VPS33A: variants seen among roughly 807,000 people sequenced by gnomAD.
The protein encoded by VPS33A is vacuolar protein sorting-associated protein 33A.
In VPS33A, 32 loss-of-function variants were observed where a neutral mutation model predicts 71.8. That is an observed-to-expected ratio of 0.45 (90% CI 0.34 to 0.60). The LOEUF is 0.60. Among genes scored for constraint, VPS33A ranks in the 20% least tolerant of loss-of-function variants. VPS33A has a pLI of 0.02. For synonymous variants in VPS33A, 311 were observed against 292.7 expected (o/e 1.06, Z -0.64); for missense variants, 625 against 748.5 (o/e 0.84, Z 1.92).
At chr12:122,264,727 T>A (rs941706525) in intron 1 of VPS33A, 5 of 152,204 alleles carry the variant, frequency 3.3e-5, no homozygotes, top group Non-Finnish European at 7.3e-5. Flanking sequence ...ACCACATTCA[T>A]ATCCTTAGTC....
At chr12:122,238,562 A>T in intron 10 of VPS33A, 25 bp downstream of exon 10, 1 of 1,593,696 alleles carries the variant, frequency 6.3e-7, no homozygotes, top group Non-Finnish European at 8.5e-7. Context: ...CCCTTGGCAA[A>T]TTAATAATTT....
intron 11 of VPS33A, among the ~76,000 whole-genome samples, chr12:122,233,228 CTTT>C (rs11365018): frequency 7.0e-6 from 1 of 143,610 alleles, no homozygotes. Context: ...TGGCATGAAA[CTTT>C]TTTTTTTTTT....
At chr12:122,250,683 G>C (rs935531789) in intron 5 of VPS33A, among the ~76,000 whole-genome samples, 1 of 152,172 alleles carries the variant, frequency 6.6e-6, no homozygotes, top group African/African-American at 2.4e-5. Flanking sequence ...CAGTGAGACT[G>C]TGAAAAGTAC....
chr12:122,254,264 G>A (rs908206776), intron 4 of VPS33A, among the ~76,000 whole-genome samples: 11 of 152,048 alleles, frequency 7.2e-5, no homozygotes, highest in African/African-American at 2.2e-4. Flanking sequence ...ACAGAAATAC[G>A]ATTAACGTCA....
intron 12 of VPS33A, 27 bp downstream of exon 12, chr12:122,232,773 A>C (rs771582302): frequency 3.8e-6 from 6 of 1,597,612 alleles, no homozygotes; most frequent in African/African-American, 1.3e-5. Context: ...GTACATAATT[A>C]TCTGTAGATG....
chr12:122,261,610 T>TCA (rs1954996262), intron 3 of VPS33A, among the ~76,000 whole-genome samples, 163 bp from the exon 4 acceptor site: 2 of 152,170 alleles, frequency 1.3e-5, no homozygotes, highest in Non-Finnish European at 2.9e-5. Context: ...GGCTCACACC[T>TCA]GTAATCTCAG....
chr12:122,263,041 G>A (rs960571549), intron 3 of VPS33A, among the ~76,000 whole-genome samples: 10 of 146,384 alleles, frequency 6.8e-5, no homozygotes, highest in African/African-American at 1.0e-4. Flanking sequence ...TGCCCAGGCT[G>A]GAGTGCAGTG....
intron 4 of VPS33A, 96 bp downstream of exon 4, chr12:122,261,165 T>TG: frequency 2.0e-6 from 2 of 1,010,932 alleles, no homozygotes. Context: ...ACATATAAAA[T>TG]GGGACTCAGC....
At chr12:122,241,532 T>C (rs1166003517) in intron 8 of VPS33A, among the ~76,000 whole-genome samples, 1 of 152,030 alleles carries the variant, frequency 6.6e-6, no homozygotes, top group African/African-American at 2.4e-5. Context: ...CTCGAATGCC[T>C]GACCTCAGGC....
chr12:122,265,729 A>C (rs1186896355), intron 1 of VPS33A: 1 of 454,334 alleles, frequency 2.2e-6, no homozygotes, highest in Admixed American at 2.3e-5. Flanking sequence ...ATAAACCCTA[A>C]GGGGATGAAG....
chr12:122,245,832 T>C (rs1275172115), intron 6 of VPS33A, among the ~76,000 whole-genome samples: 2 of 152,216 alleles, frequency 1.3e-5, no homozygotes, highest in Non-Finnish European at 2.9e-5. Context: ...CACATGACAA[T>C]GACAGAGACA....
Position 122,229,711 on chromosome 12 carries a change from T to C in VPS33A, c.*2535A>G, listed in dbSNP as rs933710450. The stretch of plus-strand genomic sequence containing the variant: ...TCCTTTCTCAGTAAGGGCATACTCT[T>C]TTGAGACAAAGACTGCTTCAAGTAT... On this transcript the variant is annotated 3_prime_UTR_variant, in exon 13 of 13. Coordinates refer to ENST00000267199, the MANE Select transcript of VPS33A (RefSeq NM_022916.6). The C allele has an allele frequency of 2.0e-5, 3 of 152,216 alleles. No homozygotes were observed. Among genetic ancestry groups the C allele is most frequent in the Admixed American group, 1.3e-4 (2 of 15,276 alleles). The allele number at this position is 152,216 out of a possible 1,614,324, so 9.4% of individuals were successfully genotyped here.
chr12:122,252,739 G>A (rs1348882917), intron 4 of VPS33A: 1 of 152,204 alleles, frequency 6.6e-6, no homozygotes, highest in African/African-American at 2.4e-5. Context: ...GGGCCAGTTA[G>A]AGAATCTCTT....
rs1954560057 is a variant in VPS33A at position 122,231,524 on chromosome 12, T to C, written c.*722A>G. The C allele has an allele frequency of 6.6e-6, 1 of 152,242 alleles. No homozygotes were observed. Among genetic ancestry groups the C allele is most frequent in the Non-Finnish European group, 1.5e-5 (1 of 68,040 alleles). 9.4% of individuals were successfully genotyped at this position (152,242 alleles called of 1,614,324 possible). A position where few individuals can be genotyped will look rare whatever the true frequency, so the allele number is the denominator to read the frequency against. The stretch of plus-strand genomic sequence containing the variant: ...ACCACTGTCCTAGGCCTGATGCGCC[T>C]TGAAGAAATACAGCACTGGGGATTA... On this transcript the variant is annotated 3_prime_UTR_variant, in exon 13 of 13. Transcript: ENST00000267199.
intron 4 of VPS33A, among the ~76,000 whole-genome samples, chr12:122,258,318 G>A (rs1831035414): frequency 6.6e-6 from 1 of 152,006 alleles, no homozygotes; most frequent in African/African-American, 2.4e-5. Context: ...AGATGATACT[G>A]AAAGCACAAG....
chr12:122,232,535 G>C (rs999781867), intron 12 of VPS33A, 108 bp from the exon 13 acceptor site: 4 of 1,217,350 alleles, frequency 3.3e-6, no homozygotes, highest in African/African-American at 3.1e-5. Flanking sequence ...CCTTCATCCA[G>C]ACAGTTCATC....
Position 122,238,774 on chromosome 12 carries a change from C to CAG in VPS33A, c.1165-51_1165-50insCT, listed in dbSNP as rs761457095. The stretch of plus-strand genomic sequence containing the variant: ...ACATATACATTTACATATACATACA[C>CAG]ACACACACACACACACACACACACA... On this transcript the variant is annotated intron_variant, in intron 9 of 12. Transcript: ENST00000267199. 3.0e-5 allele frequency: 14 copies of CAG among 460,004 alleles called. No homozygotes were observed. The South Asian group carries it at 5.2e-4, about 17-fold the overall frequency. 28.5% of individuals were successfully genotyped at this position (460,004 alleles called of 1,614,324 possible).
chr12:122,265,745 G>A (rs1338589732), intron 1 of VPS33A: 1 of 452,870 alleles, frequency 2.2e-6, no homozygotes, highest in Non-Finnish European at 4.5e-6. Flanking sequence ...TGAAGGAGAG[G>A]TGACACTGTT....
At chr12:122,245,589 A>C (rs1426173483) in intron 6 of VPS33A, among the ~76,000 whole-genome samples, 1 of 151,962 alleles carries the variant, frequency 6.6e-6, no homozygotes, top group Non-Finnish European at 1.5e-5. Context: ...GATTATAGGC[A>C]CCCACCACCA....
Sources: gnomAD v4.1 joint callset for allele counts (sites outside exome capture counted in the v4.1 genomes callset) on GRCh38, gnomAD v4.1.1 for gene constraint, MANE v1.5 for transcripts, NCBI Gene and HGNC (gene_info 2026-07-23, HGNC 2026-07-21) for gene names.